Variants in TRIM55 observed in about 807,000 individuals in gnomAD.
TRIM55 encodes the protein tripartite motif containing 55.
TRIM55 carries 50 observed loss-of-function variants against 60.9 expected under a neutral mutation model. The ratio of observed to expected loss-of-function variants is 0.82; its 90% CI spans 0.65 to 1.04. The LOEUF is 1.04. TRIM55 is among the 50% of genes least tolerant of loss of function. The probability of loss-of-function intolerance (pLI) is 0.00; values close to 1 mark genes in which losing one functional copy is unlikely to be tolerated. For synonymous variants in TRIM55, 237 were observed against 238.1 expected (o/e 1.00, Z 0.04); for missense variants, 681 against 666.9 (o/e 1.02, Z -0.23).
chr8:66,121,218 G>A, the TRIM55 span, among the ~76,000 whole-genome samples: 13 of 152,356 alleles, frequency 8.5e-5, no homozygotes, highest in African/African-American at 2.9e-4. Flanking sequence ...TGTTGAAAGA[G>A]GGGAAGGTGG....
chr8:66,161,548 T>G (rs1029323962), intron 9 of TRIM55, among the ~76,000 whole-genome samples: 8 of 152,148 alleles, frequency 5.3e-5, no homozygotes, highest in Admixed American at 6.5e-5. Flanking sequence ...GATTCTTTTT[T>G]CTAGTTCTAT....
At chr8:66,138,854 G>A (rs1809638170) in intron 4 of TRIM55, among the ~76,000 whole-genome samples, 1 of 152,210 alleles carries the variant, frequency 6.6e-6, no homozygotes, top group African/African-American at 2.4e-5. Flanking sequence ...CATGTGGTGA[G>A]TGTTCAATAA....
intron 3 of TRIM55, among the ~76,000 whole-genome samples, chr8:66,136,661 TGTGA>T (rs1809497313): frequency 2.0e-5 from 3 of 152,250 alleles, no homozygotes; most frequent in Non-Finnish European, 2.9e-5. Context: ...TAGTCTAATG[TGTGA>T]GTGTTTGTGT....
At chr8:66,136,576 G>T (rs1198352418) in intron 3 of TRIM55, among the ~76,000 whole-genome samples, 1 of 152,156 alleles carries the variant, frequency 6.6e-6, no homozygotes, top group Non-Finnish European at 1.5e-5. Context: ...TAAGTCAAAA[G>T]AGCAAAGGAA....
At chr8:66,125,284 G>T (rs928757088), upstream of TRIM55, among the ~76,000 whole-genome samples, 1 of 152,090 alleles carries the variant, frequency 6.6e-6, no homozygotes, top group East Asian at 1.9e-4. Context: ...ATTTTATTTT[G>T]TACTATGTTC....
chr8:66,130,113 T>A (rs1809052648), intron 2 of TRIM55, among the ~76,000 whole-genome samples: 2 of 152,234 alleles, frequency 1.3e-5, no homozygotes, highest in South Asian at 4.1e-4. Context: ...GCAATACTTG[T>A]TATGAAATCC....
intron 9 of TRIM55, among the ~76,000 whole-genome samples, chr8:66,172,102 A>G (rs1039550224): frequency 9.9e-5 from 15 of 152,102 alleles, no homozygotes; most frequent in Non-Finnish European, 1.8e-4. Flanking sequence ...GAAGGAAGGA[A>G]GGACCAACCT....
intron 4 of TRIM55, among the ~76,000 whole-genome samples, chr8:66,141,612 T>C (rs190867178): frequency 3.3e-5 from 5 of 152,356 alleles, no homozygotes; most frequent in Admixed American, 2.0e-4. Context: ...GTGGAACTTA[T>C]CCTATGTCAC....
At chr8:66,162,944 C>T (rs1309004414) in intron 9 of TRIM55, among the ~76,000 whole-genome samples, 2 of 151,962 alleles carry the variant, frequency 1.3e-5, no homozygotes, top group African/African-American at 4.8e-5. Context: ...TTGTTATTTG[C>T]TTTTTGATAT....
upstream of TRIM55, among the ~76,000 whole-genome samples, chr8:66,122,199 G>C (rs1808658604): frequency 6.6e-6 from 1 of 152,170 alleles, no homozygotes; most frequent in African/African-American, 2.4e-5. Context: ...GAAAAGTCAA[G>C]CTGGGAACTG....
intron 7 of TRIM55, among the ~76,000 whole-genome samples, chr8:66,150,700 T>TC (rs1462317629): frequency 6.6e-6 from 1 of 151,796 alleles, no homozygotes; most frequent in East Asian, 1.9e-4. Context: ...GGACTCTCAC[T>TC]CTGTTGCCCA....
At chr8:66,168,909 G>A (rs1002834057) in intron 9 of TRIM55, among the ~76,000 whole-genome samples, 5 of 152,254 alleles carry the variant, frequency 3.3e-5, no homozygotes, top group African/African-American at 9.6e-5. Flanking sequence ...TAATGTCTTC[G>A]TTGCAATGCA....
chr8:66,165,182 A>G (rs1356375911), intron 9 of TRIM55, among the ~76,000 whole-genome samples: 1 of 152,210 alleles, frequency 6.6e-6, no homozygotes, highest in African/African-American at 2.4e-5. Flanking sequence ...AGGATGGACA[A>G]TGGGCCAAAG....
chr8:66,159,102 G>A (rs1007291233), intron 9 of TRIM55, among the ~76,000 whole-genome samples: 1 of 152,208 alleles, frequency 6.6e-6, no homozygotes, highest in Non-Finnish European at 1.5e-5. Context: ...TTGGACAAAT[G>A]TGTAGCATTG....
chr8:66,170,759 AAC>A (rs1353401544), intron 9 of TRIM55, among the ~76,000 whole-genome samples: 1 of 152,248 alleles, frequency 6.6e-6, no homozygotes, highest in Non-Finnish European at 1.5e-5. Flanking sequence ...CAAAAAATTT[AAC>A]AGAGTTACCA....
rs529304584 is a variant in TRIM55, at chr8:66,157,224, G to A, written c.1524+2890G>A. Among the ~76,000 whole-genome samples the A allele has an allele frequency of 1.2e-4, 18 of 152,272 alleles. No homozygotes were observed. The South Asian group carries it at 3.7e-3, about 32-fold the overall frequency. ...CTAGGGAGAGGAGGGTGGGGCAGGT[G>A]GAGCAGGTGTGGGGAGGGCGTTGAC... On this transcript the variant is annotated intron_variant, in intron 9 of 9. Coordinates refer to ENST00000315962, the MANE Select transcript of TRIM55 (RefSeq NM_184085.2).
At chr8:66,118,074 C>T in the TRIM55 span, among the ~76,000 whole-genome samples, 1 of 141,730 alleles carries the variant, frequency 7.1e-6, no homozygotes, top group Non-Finnish European at 1.5e-5. Flanking sequence ...GAGGCTGAAG[C>T]AGGAGAATGG....
At position 66,127,262 on chromosome 8, in the gene TRIM55, C is replaced by T. The variant is rs1808859223; in HGVS notation, c.-7C>T. 2 of 1,612,280 alleles carry T rather than the reference C, an allele frequency of 1.2e-6. No individual in the cohort carries two copies. The highest frequency in any genetic ancestry group is 8.5e-7 in the Non-Finnish European group (1 of 1,178,898). On this transcript the variant is annotated 5_prime_UTR_variant, in exon 1 of 10. Coordinates refer to ENST00000315962, the MANE Select transcript of TRIM55 (RefSeq NM_184085.2). The stretch of plus-strand genomic sequence containing the variant: ...TCCCTGGCAGCACACTTGGGGACAG[C>T]GAGGAGATGAGCGCATCTCTGAATT...
Position 66,135,106 on chromosome 8 carries a change from A to G in TRIM55, c.458A>G (p.His153Arg), listed in dbSNP as rs761966750. Reference protein sequence around the residue: ...TCSLCKVFGAHKDCQVAPLTH... With the variant: ...TCSLCKVFGARKDCQVAPLTH... The stretch of plus-strand genomic sequence containing the variant: ...TCTCTGTGCAAGGTGTTTGGTGCAC[A>G]CAAAGACTGCCAGGTGGCTCCCCTC... The change falls in exon 3 of 10, where the codon CAC becomes CGC. Residue 153 changes from histidine to arginine, a missense_variant. Transcript: ENST00000315962. 1.2e-6 allele frequency: 2 copies of G among 1,614,224 alleles called. No homozygotes were observed. Among genetic ancestry groups the G allele is most frequent in the South Asian group, 1.1e-5 (1 of 91,084 alleles).
Sources: gnomAD v4.1 joint callset for allele counts (sites outside exome capture counted in the v4.1 genomes callset) on GRCh38, gnomAD v4.1.1 for gene constraint, MANE v1.5 for transcripts, NCBI Gene and HGNC (gene_info 2026-07-23, HGNC 2026-07-21) for gene names.